The following TBL1X variants were observed in gnomAD, a reference collection of about 807,000 sequenced individuals.
TBL1X encodes the protein transducin beta like 1 X-linked.
A neutral mutation model predicts 50.7 loss-of-function variants in TBL1X; 10 were observed. That is an observed-to-expected ratio of 0.20 (90% CI 0.12 to 0.33). The LOEUF is 0.33. TBL1X is among the 10% of genes least tolerant of loss of function. The pLI is 1.00. For missense variants in TBL1X, 340 were observed against 504.4 expected (o/e 0.67, Z 3.12); for synonymous variants, 190 against 214.7 (o/e 0.88, Z 1.01).
At chrX:9,531,354 GGTGTGTGTGTGT>G (rs57905343) in intron 2 of TBL1X, among the ~76,000 whole-genome samples, 786 of 75,206 alleles carry the variant, frequency 0.01, 13 homozygotes, top group African/African-American at 0.034. Context: ...GAACCTGGAG[GGTGTGTGTGTGT>G]GTGTGTGTGT....
rs1270116005 is a variant in TBL1X, at chrX:9,717,887, TA to T, written c.*1642del. 8.9e-6 allele frequency: 1 copy of T among 112,421 alleles called. No homozygotes were observed. The highest frequency in any genetic ancestry group is 1.9e-5 in the Non-Finnish European group (1 of 53,307). 9.3% of individuals were successfully genotyped at this position (112,421 alleles called of 1,213,427 possible). A position where few individuals can be genotyped will look rare whatever the true frequency, so the allele number is the denominator to read the frequency against. On this transcript the variant is annotated 3_prime_UTR_variant, in exon 18 of 18. Coordinates refer to ENST00000645353, the MANE Select transcript of TBL1X (RefSeq NM_005647.4). Reference sequence around the variant, plus strand: ...ATAATTTCTTTGTCTCACAGAAGACTAGGAGAAAGATCTTTTTTAAATAATC... The same window carrying T: ...ATAATTTCTTTGTCTCACAGAAGACTGGAGAAAGATCTTTTTTAAATAATC...
chrX:9,614,000 A>AG (rs990284214), intron 2 of TBL1X, among the ~76,000 whole-genome samples: 5 of 108,839 alleles, frequency 4.6e-5, no homozygotes, highest in East Asian at 2.9e-4. Context: ...AAAAAAAAAA[A>AG]AAAGAAAAGA....
intron 3 of TBL1X, among the ~76,000 whole-genome samples, chrX:9,647,697 C>G (rs2082812347): frequency 2.7e-5 from 3 of 112,169 alleles, no homozygotes; most frequent in Non-Finnish European, 5.6e-5. Flanking sequence ...GTGTCTCCAG[C>G]TGTACATACT....
intron 11 of TBL1X, 53 bp from the exon 12 acceptor site, chrX:9,697,316 A>G: frequency 8.4e-7 from 1 of 1,195,821 alleles, no homozygotes; most frequent in Non-Finnish European, 1.1e-6. Context: ...ATGTTTCCAG[A>G]GAAAACTTTG....
In TBL1X at chrX:9,660,394, T is replaced by C. The variant is rs977996081; in HGVS notation, c.211+6072T>C. 4.4e-5 allele frequency among the ~76,000 whole-genome samples: 5 copies of C among 112,417 alleles called. No homozygotes were observed. In the Admixed American group the frequency reaches 4.7e-4, roughly 11 times the overall value. ...GGGATGTTACCAAGTTCCGTGTCCATGACGGCAGTAATTTTAAACACTGTA... is the reference window on the plus strand; with the variant it reads ...GGGATGTTACCAAGTTCCGTGTCCACGACGGCAGTAATTTTAAACACTGTA... On this transcript the variant is annotated intron_variant, in intron 5 of 17. Coordinates refer to ENST00000645353, the MANE Select transcript of TBL1X (RefSeq NM_005647.4).
chrX:9,499,946 C>T (rs945806547), intron 1 of TBL1X, among the ~76,000 whole-genome samples: 1 of 108,227 alleles, frequency 9.2e-6, no homozygotes, highest in Non-Finnish European at 1.9e-5. Context: ...CCATTGCACT[C>T]CAGCCTGGGC....
intron 5 of TBL1X, among the ~76,000 whole-genome samples, chrX:9,672,598 G>A (rs953956634): frequency 1.6e-4 from 18 of 111,064 alleles, no homozygotes; most frequent in African/African-American, 5.9e-4. Context: ...CCTGAAGTCT[G>A]AGTCCCATCC....
chrX:9,576,725 G>A (rs1026231065), intron 2 of TBL1X, among the ~76,000 whole-genome samples: 4 of 103,832 alleles, frequency 3.9e-5, no homozygotes, highest in Non-Finnish European at 5.8e-5. Context: ...AACATCGGAC[G>A]TGGTGGGTCA....
chrX:9,626,814 G>C (rs2082695245), intron 2 of TBL1X, among the ~76,000 whole-genome samples: 1 of 112,057 alleles, frequency 8.9e-6, no homozygotes, highest in African/African-American at 3.2e-5. Flanking sequence ...ATGTCACCCA[G>C]ACCTTGAGTC....
intron 1 of TBL1X, among the ~76,000 whole-genome samples, chrX:9,477,824 C>A (rs765818969): frequency 1.8e-5 from 2 of 111,664 alleles, no homozygotes; most frequent in South Asian, 7.5e-4. Flanking sequence ...CGGTTCTCAC[C>A]CATTTCTGCT....
chrX:9,503,690 C>T (rs1001450492), intron 2 of TBL1X, among the ~76,000 whole-genome samples: 5 of 113,065 alleles, frequency 4.4e-5, no homozygotes, highest in Admixed American at 2.8e-4. Flanking sequence ...AGGCCCAATC[C>T]CAACCCATCC....
rs1296305997 is a variant in TBL1X, at chrX:9,482,160, T to C, written c.-201+16713T>C. On this transcript the variant is annotated intron_variant, in intron 1 of 17. Coordinates refer to ENST00000645353, the MANE Select transcript of TBL1X (RefSeq NM_005647.4). ...TCCCAAACTAATGCTTTCAAATTTT[T>C]CTTTCATTTCTAACTTGGCCTCAAT... is the stretch of plus-strand genomic sequence containing the variant. Among the ~76,000 whole-genome samples, 12 of 112,384 alleles carry C rather than the reference T, an allele frequency of 1.1e-4. No individual in the cohort carries two copies. In the Admixed American group the frequency reaches 1.1e-3, roughly 11 times the overall value.
At chrX:9,705,723 T>TA (rs34666783) in intron 13 of TBL1X, among the ~76,000 whole-genome samples, 15,677 of 78,050 alleles carry the variant, frequency 0.2, 1,689 homozygotes, top group Non-Finnish European at 0.28. Flanking sequence ...CTTGTCTCTT[T>TA]AAAAAAAAAA....
intron 2 of TBL1X, among the ~76,000 whole-genome samples, chrX:9,517,173 A>G (rs920997730): frequency 9.0e-5 from 10 of 111,304 alleles, no homozygotes; most frequent in African/African-American, 3.3e-4. Context: ...GCCTGCAGGA[A>G]CGAGTTTCTT....
chrX:9,631,322 T>C (rs753396909), intron 2 of TBL1X, among the ~76,000 whole-genome samples: 19 of 111,763 alleles, frequency 1.7e-4, no homozygotes, highest in African/African-American at 6.2e-4. Flanking sequence ...GCCCACAGTG[T>C]CTGCTGTTCG....
intron 17 of TBL1X, 140 bp from the exon 18 acceptor site, chrX:9,716,080 A>G: frequency 1.6e-6 from 1 of 617,575 alleles, no homozygotes; most frequent in Non-Finnish European, 2.6e-6. Flanking sequence ...ACCCTTCATG[A>G]CGATGTTCCA....
chrX:9,476,614 G>C (rs2081850918), intron 1 of TBL1X, among the ~76,000 whole-genome samples: 1 of 112,124 alleles, frequency 8.9e-6, no homozygotes, highest in Non-Finnish European at 1.9e-5. Flanking sequence ...GTTTCTGGGA[G>C]TTTGAGGCAC....
At chrX:9,683,916 G>T in intron 5 of TBL1X, 127 bp from the exon 6 acceptor site, 1 of 1,035,117 alleles carries the variant, frequency 9.7e-7, no homozygotes, top group South Asian at 1.9e-5. Context: ...TGGGCATTCT[G>T]CAGCCGTGTC....
intron 2 of TBL1X, among the ~76,000 whole-genome samples, chrX:9,505,262 C>T (rs192538108): frequency 8.9e-6 from 1 of 111,877 alleles, no homozygotes; most frequent in African/African-American, 3.2e-5. Context: ...GATTTTGTTA[C>T]CACTAGGCCT....
Sources: gnomAD v4.1 joint callset for allele counts (sites outside exome capture counted in the v4.1 genomes callset) on GRCh38, gnomAD v4.1.1 for gene constraint, MANE v1.5 for transcripts, NCBI Gene and HGNC (gene_info 2026-07-23, HGNC 2026-07-21) for gene names.